The following DMD variants were observed in gnomAD, a reference collection of about 807,000 sequenced individuals.
DMD encodes dystrophin.
DMD carries 63 observed loss-of-function variants against 330.1 expected under a neutral mutation model. The observed-to-expected ratio is 0.19, with a 90% confidence interval of 0.16 to 0.24. DMD has a LOEUF of 0.24. DMD is among the 10% of genes least tolerant of loss of function. The pLI, the probability that DMD is intolerant of heterozygous loss-of-function variation, is 1.00. For synonymous variants in DMD, 1,223 were observed against 959.8 expected (o/e 1.27, Z -5.07); for missense variants, 3,344 against 2,684.1 (o/e 1.25, Z -5.43).
intron 2 of DMD, among the ~76,000 whole-genome samples, chrX:32,916,694 AT>A (rs1281979698): frequency 1.8e-5 from 2 of 111,290 alleles, no homozygotes; most frequent in Non-Finnish European, 3.8e-5. Flanking sequence ...AGAGTAAAAT[AT>A]TTTTTTCCAA....
chrX:31,330,695 C>T (rs2057074046), intron 61 of DMD, among the ~76,000 whole-genome samples: 1 of 111,870 alleles, frequency 8.9e-6, no homozygotes, highest in Non-Finnish European at 1.9e-5. Context: ...CTATCGTTTT[C>T]ATTTCCTAAA....
At position 32,636,246 on chromosome X, in the gene DMD, T is replaced by C. The variant is rs1423679636; in HGVS notation, c.1331+7886A>G. Among the ~76,000 whole-genome samples the C allele has an allele frequency of 2.7e-5, 3 of 112,000 alleles. No homozygotes were observed. The Admixed American group carries it at 2.8e-4, about 11-fold the overall frequency. ...GAAAGAAGCCAAGGAGAGCATGTCATGTATCATTTTCAAAAATTCCCACTA... is the reference window on the plus strand; with the variant it reads ...GAAAGAAGCCAAGGAGAGCATGTCACGTATCATTTTCAAAAATTCCCACTA... On this transcript the variant is annotated intron_variant, in intron 11 of 78. Coordinates refer to ENST00000357033, the MANE Select transcript of DMD (RefSeq NM_004006.3).
Position 32,741,470 on chromosome X carries a change from C to T in DMD, c.650-42177G>A, listed in dbSNP as rs145986084. Among the ~76,000 whole-genome samples, 568 of 111,553 alleles carry T rather than the reference C, an allele frequency of 5.1e-3. 3 individuals carry two copies. Among genetic ancestry groups the T allele is most frequent in the Middle Eastern group, 9.3e-3 (2 of 216 alleles). ...AAAACTTTAGGAGCCAGACTTGGCA[C>T]ATATATTGTTGTCGTTAAGGTGATA... is the stretch of plus-strand genomic sequence containing the variant. On this transcript the variant is annotated intron_variant, in intron 7 of 78. Coordinates refer to ENST00000357033, the MANE Select transcript of DMD (RefSeq NM_004006.3).
At chrX:32,241,354 A>G (rs111826558) in intron 43 of DMD, among the ~76,000 whole-genome samples, 11,019 of 112,349 alleles carry the variant, frequency 0.098, 552 homozygotes, top group Admixed American at 0.15. Flanking sequence ...GAACAGATGC[A>G]ACACAGTTCC....
intron 67 of DMD, among the ~76,000 whole-genome samples, chrX:31,196,347 C>A (rs1230992031): frequency 9.0e-6 from 1 of 110,748 alleles, no homozygotes; most frequent in Non-Finnish European, 1.9e-5. Context: ...TTTATAAATA[C>A]CAAATTGTAG....
intron 18 of DMD, among the ~76,000 whole-genome samples, chrX:32,507,678 G>C (rs1349009141): frequency 1.8e-5 from 2 of 111,449 alleles, no homozygotes; most frequent in Admixed American, 9.6e-5. Flanking sequence ...GGCACAGAGA[G>C]GTTTGTGAAA....
At chrX:32,817,680 T>C (rs1275073896) in intron 5 of DMD, among the ~76,000 whole-genome samples, 1 of 112,115 alleles carries the variant, frequency 8.9e-6, no homozygotes, top group Non-Finnish European at 1.9e-5. Flanking sequence ...TTTGATCAGA[T>C]GATGAATATT....
At chrX:32,879,740 A>G (rs1036550717) in intron 2 of DMD, among the ~76,000 whole-genome samples, 1 of 111,616 alleles carries the variant, frequency 9.0e-6, no homozygotes, top group African/African-American at 3.3e-5. Flanking sequence ...GGTACCATAA[A>G]AAGGATGATC....
At chrX:33,207,648 T>C (rs1285405827) in intron 1 of DMD, among the ~76,000 whole-genome samples, 1 of 111,442 alleles carries the variant, frequency 9.0e-6, no homozygotes, top group Non-Finnish European at 1.9e-5. Context: ...GGTGTTGCCA[T>C]TTTAACTTTG....
At chrX:31,749,040 A>G (rs1257333063) in intron 51 of DMD, among the ~76,000 whole-genome samples, 2 of 111,828 alleles carry the variant, frequency 1.8e-5, no homozygotes, top group African/African-American at 6.5e-5. Context: ...ACACATGAGG[A>G]AATAAGCACA....
chrX:31,330,847 C>G (rs1179884582), intron 61 of DMD, among the ~76,000 whole-genome samples: 5 of 111,405 alleles, frequency 4.5e-5, no homozygotes, highest in African/African-American at 1.6e-4. Flanking sequence ...GCATATAGTT[C>G]CTGTAGCAAG....
intron 52 of DMD, among the ~76,000 whole-genome samples, chrX:31,724,840 C>T (rs1486250715): frequency 8.9e-6 from 1 of 111,897 alleles, no homozygotes; most frequent in Non-Finnish European, 1.9e-5. Flanking sequence ...GATGAGAGAA[C>T]CACAGTTTAG....
intron 1 of DMD, among the ~76,000 whole-genome samples, chrX:33,253,695 C>T (rs981216120): frequency 9.0e-6 from 1 of 110,912 alleles, no homozygotes; most frequent in African/African-American, 3.3e-5. Flanking sequence ...ATTCTGATGG[C>T]CTCTCGATAT....
chrX:33,119,700 CA>C (rs1419945502), intron 1 of DMD, among the ~76,000 whole-genome samples: 1 of 111,957 alleles, frequency 8.9e-6, no homozygotes, highest in African/African-American at 3.2e-5. Context: ...GAGATTGACA[CA>C]ACCTGGTTTA....
At chrX:32,977,047 T>C (rs1417396474) in intron 2 of DMD, among the ~76,000 whole-genome samples, 4 of 111,637 alleles carry the variant, frequency 3.6e-5, no homozygotes, top group Non-Finnish European at 5.6e-5. Flanking sequence ...TCCCAACACA[T>C]TGGGAGTCCA....
intron 60 of DMD, among the ~76,000 whole-genome samples, chrX:31,357,721 C>T (rs758462814): frequency 1.8e-5 from 2 of 111,241 alleles, no homozygotes; most frequent in East Asian, 2.8e-4. Context: ...GAAGCTTGTC[C>T]GCCAGAAGAC....
At chrX:32,912,711 C>G (rs1434676579) in intron 2 of DMD, among the ~76,000 whole-genome samples, 1 of 111,282 alleles carries the variant, frequency 9.0e-6, no homozygotes, top group Non-Finnish European at 1.9e-5. Context: ...CAGAGCAAGA[C>G]TATTTCTCTT....
chrX:31,794,878 C>T (rs957769887), intron 50 of DMD, among the ~76,000 whole-genome samples: 1 of 111,408 alleles, frequency 9.0e-6, no homozygotes, highest in Non-Finnish European at 1.9e-5. Context: ...TTAGGAAGAG[C>T]CTCCCAATGT....
At chrX:32,557,826 T>C (rs190707561) in intron 16 of DMD, among the ~76,000 whole-genome samples, 96 of 111,201 alleles carry the variant, frequency 8.6e-4, no homozygotes, top group Non-Finnish European at 1.5e-3. Context: ...TTATGAAGTA[T>C]AGAGGACTTC....
Sources: allele counts gnomAD v4.1 joint callset (sites outside exome capture counted in the v4.1 genomes callset), GRCh38; gene constraint gnomAD v4.1.1; transcripts MANE v1.5; gene names NCBI Gene and HGNC (gene_info 2026-07-23, HGNC 2026-07-21).